Variants in REDIC1 observed in about 807,000 individuals in gnomAD.
The protein encoded by REDIC1 is HEI10 Interacting Protein 1.
chr12:39,700,966 C>A, the REDIC1 span, among the ~76,000 whole-genome samples: 8 of 151,850 alleles, frequency 5.3e-5, no homozygotes, highest in African/African-American at 1.2e-4. Flanking sequence ...CAACCGGTAC[C>A]AGCCACTGCA....
the REDIC1 span, among the ~76,000 whole-genome samples, chr12:39,732,699 A>G: frequency 1.3e-5 from 2 of 152,170 alleles, no homozygotes; most frequent in East Asian, 3.8e-4. Flanking sequence ...TCCTCTGAAG[A>G]TGAGTATTAT....
the REDIC1 span, among the ~76,000 whole-genome samples, chr12:39,674,578 G>A: frequency 6.6e-6 from 1 of 151,386 alleles, no homozygotes; most frequent in Non-Finnish European, 1.5e-5. Flanking sequence ...CCCAAAGTGT[G>A]AGGGGGGGAT....
chr12:39,725,614 C>T, the REDIC1 span, among the ~76,000 whole-genome samples: 1 of 151,938 alleles, frequency 6.6e-6, no homozygotes, highest in Non-Finnish European at 1.5e-5. Context: ...CTCTCATTTC[C>T]TTCAAAAGGC....
the REDIC1 span, among the ~76,000 whole-genome samples, chr12:39,690,516 C>A: frequency 6.6e-6 from 1 of 151,912 alleles, no homozygotes; most frequent in Non-Finnish European, 1.5e-5. Flanking sequence ...AAATGAAACC[C>A]ACTTAGCAAT....
At chr12:39,746,283 A>T in the REDIC1 span, among the ~76,000 whole-genome samples, 9 of 152,162 alleles carry the variant, frequency 5.9e-5, no homozygotes, top group African/African-American at 2.2e-4. Context: ...ACACCAGGAG[A>T]TTATGTCCCA....
At chr12:39,734,332 A>G in the REDIC1 span, among the ~76,000 whole-genome samples, 1 of 152,312 alleles carries the variant, frequency 6.6e-6, no homozygotes, top group Admixed American at 6.5e-5. Context: ...TGGGAGTTGC[A>G]GTCCGGAGCT....
chr12:39,719,346 G>T, the REDIC1 span, among the ~76,000 whole-genome samples: 1 of 152,108 alleles, frequency 6.6e-6, no homozygotes, highest in Non-Finnish European at 1.5e-5. Context: ...ATAGCACTTA[G>T]CCAGGCATGT....
chr12:39,901,947 G>A, the REDIC1 span, among the ~76,000 whole-genome samples: 1 of 152,030 alleles, frequency 6.6e-6, no homozygotes, highest in Non-Finnish European at 1.5e-5. Context: ...CAACCAAAAT[G>A]TCCATCAATG....
At chr12:39,677,210 A>G in the REDIC1 span, among the ~76,000 whole-genome samples, 7 of 152,202 alleles carry the variant, frequency 4.6e-5, no homozygotes, top group Non-Finnish European at 7.4e-5. Flanking sequence ...TATGTAACAC[A>G]TAAGAATTCA....
the REDIC1 span, among the ~76,000 whole-genome samples, chr12:39,711,622 T>G: frequency 3.9e-4 from 26 of 66,566 alleles, 1 homozygote; most frequent in Non-Finnish European, 9.1e-4. Context: ...TGTATGTGTA[T>G]ACACGTATGT....
the REDIC1 span, among the ~76,000 whole-genome samples, chr12:39,786,443 T>G: frequency 2.1e-5 from 2 of 97,350 alleles, no homozygotes; most frequent in African/African-American, 7.8e-5. Context: ...TTCCCAGTTT[T>G]CAGTATGTCT....
At chr12:39,657,662 CAT>C in the REDIC1 span, among the ~76,000 whole-genome samples, 1 of 152,106 alleles carries the variant, frequency 6.6e-6, no homozygotes, top group East Asian at 1.9e-4. Flanking sequence ...AATTTATTGA[CAT>C]AAAGTTATTC....
the REDIC1 span, among the ~76,000 whole-genome samples, chr12:39,659,403 G>C: frequency 4.0e-5 from 6 of 151,632 alleles, no homozygotes; most frequent in Admixed American, 3.3e-4. Context: ...CTTCTCCTTG[G>C]GGGACTCAAA....
At chr12:39,646,747 T>TAGAACAG in the REDIC1 span, 1 of 816,758 alleles carries the variant, frequency 1.2e-6, no homozygotes, top group Non-Finnish European at 1.9e-6. Context: ...TTTCTATATG[T>TAGAACAG]TTTGTGTAGA....
chr12:39,662,406 G>A, the REDIC1 span, among the ~76,000 whole-genome samples: 1 of 151,986 alleles, frequency 6.6e-6, no homozygotes, highest in Non-Finnish European at 1.5e-5. Context: ...GGTATATAAT[G>A]GGATTGCTTT....
At chr12:39,777,007 T>C in the REDIC1 span, among the ~76,000 whole-genome samples, 17 of 152,336 alleles carry the variant, frequency 1.1e-4, no homozygotes, top group East Asian at 1.3e-3. Context: ...ATAGTTGCTA[T>C]GGGAGGTAAT....
At chr12:39,729,494 T>G in the REDIC1 span, among the ~76,000 whole-genome samples, 4 of 152,228 alleles carry the variant, frequency 2.6e-5, no homozygotes, top group Admixed American at 6.5e-5. Flanking sequence ...AACCTTGAAT[T>G]CTAATTTGAT....
At chr12:39,807,441 A>C in the REDIC1 span, among the ~76,000 whole-genome samples, 396 of 152,326 alleles carry the variant, frequency 2.6e-3, 2 homozygotes, top group African/African-American at 8.7e-3. Context: ...ATTCAGGGGA[A>C]CTGGGTAAAG....
the REDIC1 span, among the ~76,000 whole-genome samples, chr12:39,802,714 T>C: frequency 6.6e-6 from 1 of 152,172 alleles, no homozygotes; most frequent in Non-Finnish European, 1.5e-5. Context: ...CATGTCCATA[T>C]ATATAGATAT....
Sources: gnomAD v4.1 joint callset for allele counts (sites outside exome capture counted in the v4.1 genomes callset) on GRCh38, gnomAD v4.1.1 for gene constraint, MANE v1.5 for transcripts, NCBI Gene and HGNC (gene_info 2026-07-23, HGNC 2026-07-21) for gene names.